Variants in CORO2B observed in about 807,000 individuals in gnomAD.
The protein encoded by CORO2B is coronin 2B.
In CORO2B, 26 loss-of-function variants were observed where a neutral mutation model predicts 58.8. That is an observed-to-expected ratio of 0.44 (90% CI 0.32 to 0.61). The LOEUF (loss-of-function observed/expected upper bound fraction) is 0.61, where lower values mean the gene tolerates loss of function less well. Among genes scored for constraint, CORO2B ranks in the 20% least tolerant of loss-of-function variants. The probability of loss-of-function intolerance (pLI) is 0.04; values close to 1 mark genes in which losing one functional copy is unlikely to be tolerated. For synonymous variants in CORO2B, 242 were observed against 253.8 expected, an observed-to-expected ratio of 0.95 and a Z score of 0.44; for missense variants, 460 against 645.1, an observed-to-expected ratio of 0.71 and a Z score of 3.11.
chr15:68,587,314 C>T (rs1484496682), intron 1 of CORO2B, among the ~76,000 whole-genome samples: 2 of 152,128 alleles, frequency 1.3e-5, no homozygotes, highest in Non-Finnish European at 2.9e-5. Context: ...AACTTACTGT[C>T]CCCTGTATGA....
At chr15:68,610,052 G>A (rs964654429) in intron 1 of CORO2B, among the ~76,000 whole-genome samples, 24 of 152,258 alleles carry the variant, frequency 1.6e-4, no homozygotes, top group African/African-American at 5.1e-4. Context: ...AAATGGATGC[G>A]GTGACAATTC....
chr15:68,522,540 C>T, the CORO2B span, among the ~76,000 whole-genome samples: 1 of 152,138 alleles, frequency 6.6e-6, no homozygotes, highest in African/African-American at 2.4e-5. Context: ...ACCTCTGCCT[C>T]CTGGGTTCAA....
chr15:68,532,510 C>G, the CORO2B span, among the ~76,000 whole-genome samples: 3 of 151,764 alleles, frequency 2.0e-5, no homozygotes, highest in Non-Finnish European at 2.9e-5. Context: ...TCTATTTTTC[C>G]TAATTGTGTT....
At chr15:68,701,513 T>G (rs1209782154) in intron 3 of CORO2B, among the ~76,000 whole-genome samples, 7 of 68,214 alleles carry the variant, frequency 1.0e-4, no homozygotes, top group Admixed American at 2.1e-4. Flanking sequence ...TGAGACGGAG[T>G]TTCGCTCTGT....
the CORO2B span, among the ~76,000 whole-genome samples, chr15:68,570,170 G>A: frequency 6.6e-6 from 1 of 152,196 alleles, no homozygotes; most frequent in Non-Finnish European, 1.5e-5. Flanking sequence ...AGTTGGATAC[G>A]GGGTTTAATC....
intron 1 of CORO2B, among the ~76,000 whole-genome samples, chr15:68,598,005 A>G (rs1595959291): frequency 6.6e-6 from 1 of 152,248 alleles, no homozygotes; most frequent in East Asian, 1.9e-4. Context: ...CCATGGCCAC[A>G]CAGTCAAGAG....
rs181061640 is a variant in CORO2B, at chr15:68,662,995, T to C, written c.216+17635T>C. On this transcript the variant is annotated intron_variant, in intron 2 of 11. Transcript: ENST00000261861. ...TAAATTTTTTAAAATATTTCTAGGC[T>C]ACCTGGTTTATCGTGAGCTTTTTCA... 5.9e-5 allele frequency among the ~76,000 whole-genome samples: 9 copies of C among 152,326 alleles called. No individual in the cohort carries two copies. The East Asian group carries it at 1.7e-3, about 29-fold the overall frequency.
rs1893089142 is a variant in CORO2B, at chr15:68,718,699, G to A, written c.969G>A (p.Gly323=). 5 of 1,613,836 alleles carry A rather than the reference G, an allele frequency of 3.1e-6. No individual in the cohort carries two copies. The highest frequency in any genetic ancestry group is 4.5e-5 in the East Asian group (2 of 44,878). Residue 323 remains glycine (G), a splice_region_variant and synonymous_variant, in exon 9 of 12, where the codon GGG becomes GGA. Transcript: ENST00000261861. ...FRSPAPQKGL[G]VMPKHGLDVS... ...GAGCCACATGTGTGCCTGTTACAGG[G>A]GTCATGCCCAAGCACGGGCTGGATG...
intron 11 of CORO2B, among the ~76,000 whole-genome samples, chr15:68,723,377 C>T (rs1282980418): frequency 6.6e-6 from 1 of 151,918 alleles, no homozygotes; most frequent in Non-Finnish European, 1.5e-5. Context: ...CTGCCTCAGC[C>T]TCCCAAAGTG....
chr15:68,685,453 C>G (rs1902933331), intron 2 of CORO2B, among the ~76,000 whole-genome samples: 1 of 152,220 alleles, frequency 6.6e-6, no homozygotes, highest in Non-Finnish European at 1.5e-5. Flanking sequence ...GTCAGGTGAT[C>G]TGCCCACCTT....
At chr15:68,675,828 G>A (rs1409266958) in intron 2 of CORO2B, among the ~76,000 whole-genome samples, 2 of 152,092 alleles carry the variant, frequency 1.3e-5, no homozygotes, top group East Asian at 1.9e-4. Context: ...CTCTGTACCC[G>A]GCACTGTGGG....
chr15:68,524,760 C>G, the CORO2B span, among the ~76,000 whole-genome samples: 1 of 152,106 alleles, frequency 6.6e-6, no homozygotes, highest in Non-Finnish European at 1.5e-5. Flanking sequence ...TTGGAGGCTC[C>G]CTGAAGCCAG....
the CORO2B span, among the ~76,000 whole-genome samples, chr15:68,540,035 AC>A: frequency 1.3e-5 from 2 of 152,264 alleles, no homozygotes; most frequent in Non-Finnish European, 2.9e-5. Flanking sequence ...TTAACCATGC[AC>A]CAAAACTCAA....
At chr15:68,522,717 A>C in the CORO2B span, among the ~76,000 whole-genome samples, 3 of 152,232 alleles carry the variant, frequency 2.0e-5, no homozygotes, top group Non-Finnish European at 4.4e-5. Flanking sequence ...ATTTTTAAAA[A>C]TAGATTGTTG....
chr15:68,562,997 GA>G, the CORO2B span, among the ~76,000 whole-genome samples: 2 of 145,514 alleles, frequency 1.4e-5, no homozygotes, highest in African/African-American at 5.1e-5. Flanking sequence ...AAAAAAGAAA[GA>G]AAAGAAAACA....
intron 2 of CORO2B, among the ~76,000 whole-genome samples, chr15:68,694,062 C>T (rs560270072): frequency 6.6e-6 from 1 of 152,250 alleles, no homozygotes; most frequent in African/African-American, 2.4e-5. Flanking sequence ...TCTCAAACTC[C>T]TGACGTCAGG....
the CORO2B span, among the ~76,000 whole-genome samples, chr15:68,526,151 T>C: frequency 3.9e-5 from 6 of 152,212 alleles, no homozygotes; most frequent in Non-Finnish European, 8.8e-5. Context: ...GTACCACAAT[T>C]TATTTATCCA....
Position 68,715,262 on chromosome 15 carries a change from C to T in CORO2B, c.918C>T (p.Tyr306=). 1 of 1,614,128 alleles carries T rather than the reference C, an allele frequency of 6.2e-7. No homozygotes were observed. Among genetic ancestry groups the T allele is most frequent in the Non-Finnish European group, 8.5e-7 (1 of 1,180,018 alleles). The part of the protein sequence containing the change: ...RYYEISTEKP[Y]LSYLMEFRSP... ...ACGAGATCAGCACTGAGAAGCCCTA[C>T]CTGAGTTACCTCATGGAGTTCCGCT... Residue 306 remains tyrosine, a synonymous_variant, in exon 8 of 12, where the codon TAC becomes TAT. Coordinates refer to ENST00000261861, the MANE Select transcript of CORO2B (RefSeq NM_006091.5).
chr15:68,542,493 C>T, the CORO2B span, among the ~76,000 whole-genome samples: 1 of 152,264 alleles, frequency 6.6e-6, no homozygotes, highest in African/African-American at 2.4e-5. Context: ...AACAGCACTT[C>T]ACTTCTAAGT....
Sources: allele counts gnomAD v4.1 joint callset (sites outside exome capture counted in the v4.1 genomes callset), GRCh38; gene constraint gnomAD v4.1.1; transcripts MANE v1.5; gene names NCBI Gene and HGNC (gene_info 2026-07-23, HGNC 2026-07-21).